The following CAPS2 variants were observed in gnomAD, a reference collection of about 807,000 sequenced individuals.
CAPS2 encodes the protein calcyphosin-2.
CAPS2 carries 98 observed loss-of-function variants against 86.5 expected under a neutral mutation model. The observed-to-expected ratio is 1.13, with a 90% CI of 0.96 to 1.34. The LOEUF is 1.34. CAPS2 is among the 40% of genes most tolerant of loss of function. The pLI is 0.00. For missense variants in CAPS2, 729 were observed against 686.8 expected (o/e 1.06, Z -0.69); for synonymous variants, 210 against 225.1 (o/e 0.93, Z 0.60).
intron 16 of CAPS2, 149 bp from the exon 17 acceptor site, chr12:75,279,214 AC>A (rs2033435462): frequency 1.4e-6 from 1 of 732,660 alleles, no homozygotes; most frequent in African/African-American, 1.8e-5. Context: ...TTACACATGA[AC>A]TGGAATTATT....
intron 11 of CAPS2, among the ~76,000 whole-genome samples, chr12:75,297,515 C>A (rs980463964): frequency 1.3e-5 from 2 of 152,132 alleles, no homozygotes; most frequent in Admixed American, 6.5e-5. Flanking sequence ...TAATATAATT[C>A]AATCCTATCC....
At chr12:75,277,534 TAAAG>T (rs892273241) in exon 17 of CAPS2, 13 of 928,928 alleles carry the variant, frequency 1.4e-5, no homozygotes, top group Non-Finnish European at 1.4e-5. Context: ...AATCAAGAAA[TAAAG>T]AATTTAGCCA....
chr12:75,341,498 A>G (rs183079786), intron 1 of CAPS2, among the ~76,000 whole-genome samples: 209 of 152,042 alleles, frequency 1.4e-3, no homozygotes, highest in African/African-American at 4.6e-3. Flanking sequence ...CCAGGCTGGA[A>G]TGCAGTGGCG....
At chr12:75,277,697 G>A (rs2033171481) in exon 17 of CAPS2, 1 of 904,320 alleles carries the variant, frequency 1.1e-6, no homozygotes, top group Non-Finnish European at 1.3e-6. Context: ...AGTATAGATG[G>A]ATACAGTGAT....
At chr12:75,357,669 A>G (rs2043241214) in intron 1 of CAPS2, among the ~76,000 whole-genome samples, 1 of 152,136 alleles carries the variant, frequency 6.6e-6, no homozygotes, top group Non-Finnish European at 1.5e-5. Flanking sequence ...TTGTTTGATG[A>G]CAGCAAAATT....
chr12:75,371,510 T>C (rs772776556), intron 1 of CAPS2: 6 of 327,522 alleles, frequency 1.8e-5, no homozygotes, highest in Non-Finnish European at 2.5e-5. Context: ...ATATTAACCA[T>C]CACAAGTCCA....
intron 1 of CAPS2, among the ~76,000 whole-genome samples, chr12:75,340,138 T>C (rs1017589493): frequency 2.7e-5 from 4 of 150,094 alleles, no homozygotes; most frequent in Admixed American, 6.6e-5. Flanking sequence ...TATACACACA[T>C]ATATATAAAA....
At chr12:75,297,211 G>T (rs909768872) in intron 11 of CAPS2, among the ~76,000 whole-genome samples, 12 of 152,058 alleles carry the variant, frequency 7.9e-5, no homozygotes, top group African/African-American at 2.9e-4. Context: ...TAAATTTTTG[G>T]AGATATCAGC....
At chr12:75,347,639 AT>A in intron 1 of CAPS2, 6 of 1,609,036 alleles carry the variant, frequency 3.7e-6, no homozygotes, top group Non-Finnish European at 5.1e-6. Context: ...GGGCCAATTC[AT>A]TTTATGTCGG....
In CAPS2 at chr12:75,299,915, T is replaced by A; in HGVS notation, c.780-4A>T. 2 of 1,269,142 alleles carry A rather than the reference T, an allele frequency of 1.6e-6. No homozygotes were observed. Among genetic ancestry groups the A allele is most frequent in the Non-Finnish European group, 2.2e-6 (2 of 924,798 alleles). 78.6% of individuals were successfully genotyped at this position (1,269,142 alleles called of 1,614,324 possible). On this transcript the variant is annotated splice_polypyrimidine_tract_variant and splice_region_variant and intron_variant, in intron 8 of 16. Coordinates refer to ENST00000393284, the Ensembl canonical transcript of CAPS2. Reference sequence around the variant, plus strand: ...TAATGTAGAATGAGTTCTTATCCTGTTAAGAAATACATTTTGTCAGTAATT... The same window carrying A: ...TAATGTAGAATGAGTTCTTATCCTGATAAGAAATACATTTTGTCAGTAATT...
At chr12:75,307,705 TATA>T (rs953997283) in intron 7 of CAPS2, among the ~76,000 whole-genome samples, 6 of 152,048 alleles carry the variant, frequency 3.9e-5, no homozygotes, top group African/African-American at 9.6e-5. Context: ...ACAAACAAAA[TATA>T]ATAATAAGTA....
At chr12:75,388,865 G>C (rs985637757) in intron 1 of CAPS2, among the ~76,000 whole-genome samples, 2 of 152,056 alleles carry the variant, frequency 1.3e-5, no homozygotes, top group Non-Finnish European at 2.9e-5. Context: ...TGATAATGAG[G>C]GAGTTTATGT....
At chr12:75,337,403 G>C (rs1171702010) in intron 1 of CAPS2, among the ~76,000 whole-genome samples, 3 of 151,644 alleles carry the variant, frequency 2.0e-5, no homozygotes, top group Non-Finnish European at 3.0e-5. Flanking sequence ...TTTTAGGAAT[G>C]GAAAATCACT....
In CAPS2 at chr12:75,316,432, A is replaced by ACACGC; in HGVS notation, c.470_471insGCGTG (p.Cys157TrpfsTer59). The ACACGC allele has an allele frequency of 6.5e-7, 1 of 1,539,388 alleles. No individual in the cohort carries two copies. Among genetic ancestry groups the ACACGC allele is most frequent in the Non-Finnish European group, 8.8e-7 (1 of 1,142,468 alleles). On this transcript the variant is annotated frameshift_variant and splice_region_variant, in exon 6 of 17. Transcript: ENST00000393284. LOFTEE classifies it high-confidence loss of function. ...CTGTGTTGGCTTCTTCATCTTGCAC[A>ACACGC]CACTATGCATGAAAGAAATAAATGA...
chr12:75,297,405 A>G (rs1472652560), intron 11 of CAPS2, among the ~76,000 whole-genome samples: 2 of 152,150 alleles, frequency 1.3e-5, no homozygotes, highest in Non-Finnish European at 2.9e-5. Context: ...TGGCCACCAA[A>G]TTGTACTGAC....
chr12:75,323,393 T>C (rs1026088155), intron 2 of CAPS2, among the ~76,000 whole-genome samples, 171 bp from the exon 4 acceptor site: 5 of 152,054 alleles, frequency 3.3e-5, no homozygotes, highest in Non-Finnish European at 5.9e-5. Flanking sequence ...TAACTGGTTG[T>C]TAAACACATC....
chr12:75,319,009 T>C (rs1011894006), intron 5 of CAPS2, among the ~76,000 whole-genome samples: 1 of 152,218 alleles, frequency 6.6e-6, no homozygotes. Context: ...TAATGATAGG[T>C]ACAATTAGGA....
chr12:75,328,167 GT>G, upstream of CAPS2, among the ~76,000 whole-genome samples: 1 of 152,186 alleles, frequency 6.6e-6, no homozygotes, highest in Admixed American at 6.5e-5. Flanking sequence ...CTGTTGTTTT[GT>G]TTTGGAGGCC....
At chr12:75,307,410 G>A (rs2038634274) in intron 7 of CAPS2, among the ~76,000 whole-genome samples, 1 of 152,188 alleles carries the variant, frequency 6.6e-6, no homozygotes, top group Non-Finnish European at 1.5e-5. Context: ...CAATGGGCTA[G>A]AAAAGTGATA....
Sources: allele counts gnomAD v4.1 joint callset (sites outside exome capture counted in the v4.1 genomes callset), GRCh38; gene constraint gnomAD v4.1.1; transcripts MANE v1.5; gene names NCBI Gene and HGNC (gene_info 2026-07-23, HGNC 2026-07-21).